The following INVS variants were observed in gnomAD, a reference collection of about 807,000 sequenced individuals.
The protein encoded by INVS is inversin.
In INVS, 86 loss-of-function variants were observed where a neutral mutation model predicts 108.8. The ratio of observed to expected loss-of-function variants is 0.79; its 90% CI spans 0.66 to 0.95. The LOEUF is 0.95. INVS is among the 40% of genes least tolerant of loss of function. The probability of loss-of-function intolerance (pLI) is 0.00; values close to 1 mark genes in which losing one functional copy is unlikely to be tolerated. For missense variants in INVS, 1,169 were observed against 1,297.4 expected (o/e 0.90, Z 1.52); for synonymous variants, 455 against 473.5 (o/e 0.96, Z 0.51).
At chr9:100,271,447 CTA>C (rs1286494083) in intron 11 of INVS, among the ~76,000 whole-genome samples, 2 of 152,200 alleles carry the variant, frequency 1.3e-5, no homozygotes, top group African/African-American at 4.8e-5. Context: ...AGCTGTACTT[CTA>C]TGAGTAGCCT....
chr9:100,284,329 G>T lies in INVS; in HGVS notation c.1794G>T (p.Glu598Asp), dbSNP rs1488247864. The change falls in exon 13 of 17, where the codon GAG becomes GAT. Residue 598 changes from glutamate (E) to aspartate (D), a missense_variant. This residue lies in a region of INVS where 271 missense variants were observed against 363.8 expected (regional missense o/e 0.74). Transcript: ENST00000262457. ...TTGGCTTTGCTTCCAGAAAGCGAGA[G>T]GAAGAAAACAAACGAAAAGAGGCAG... ...LRKDAAAKKREEENKRKEAEQ... is the reference protein window; with the variant it reads ...LRKDAAAKKRDEENKRKEAEQ... The T allele has an allele frequency of 6.2e-7, 1 of 1,613,264 alleles. No homozygotes were observed.
At chr9:100,116,955 G>A (rs906830686) in intron 2 of INVS, 7 of 1,554,546 alleles carry the variant, frequency 4.5e-6, no homozygotes, top group African/African-American at 1.3e-5. Context: ...TTGCAGCCCC[G>A]GGCTGAGGTG....
intron 12 of INVS, among the ~76,000 whole-genome samples, chr9:100,282,731 T>C (rs1833318923): frequency 6.6e-6 from 1 of 152,214 alleles, no homozygotes; most frequent in Non-Finnish European, 1.5e-5. Context: ...CATGCTCATG[T>C]GTGAGCAAGG....
chr9:100,299,586 A>C (rs1588155704), intron 16 of INVS, among the ~76,000 whole-genome samples: 3 of 117,016 alleles, frequency 2.6e-5, no homozygotes, highest in Non-Finnish European at 5.2e-5. Flanking sequence ...ACACACACAC[A>C]CACAGCCTTG....
Position 100,264,916 on chromosome 9 carries a change from A to G in INVS, c.1559A>G (p.Asn520Ser). 1.2e-6 allele frequency: 2 copies of G among 1,609,750 alleles called. No homozygotes were observed. Among genetic ancestry groups the G allele is most frequent in the African/African-American group, 2.7e-5 (2 of 74,844 alleles). The change falls in exon 11 of 17, where the codon AAC becomes AGC. Residue 520 changes from asparagine (N) to serine (S), a missense_variant. By Grantham distance (46) the Asn-to-Ser change is conservative (BLOSUM62 1). Coordinates refer to ENST00000262457, the MANE Select transcript of INVS (RefSeq NM_014425.5). ...DFAAFPNQME[N>S]NEERYTPLDY... ...GCTGCTTTCCCTAATCAGATGGAAA[A>G]CAATGAAGAGAGGTAAGTTGTTGTT...
Position 100,287,539 on chromosome 9 carries a change from T to C in INVS, c.2068+2936T>C, listed in dbSNP as rs75468916. ...ATTGGCTCTGTGTCCCCACCCAAAT[T>C]CCCAGTGTTCGGGGAGGGACTTGGT... is the stretch of plus-strand genomic sequence containing the variant. On this transcript the variant is annotated intron_variant, in intron 13 of 16. Coordinates refer to ENST00000262457, the MANE Select transcript of INVS (RefSeq NM_014425.5). 2.0e-3 allele frequency among the ~76,000 whole-genome samples: 308 copies of C among 152,292 alleles called. 2 individuals are homozygous for C. The East Asian group carries it at 0.042, about 21-fold the overall frequency.
chr9:100,276,345 C>G (rs1227804735), intron 12 of INVS, among the ~76,000 whole-genome samples: 8 of 152,190 alleles, frequency 5.3e-5, no homozygotes. Context: ...TAACTTCAGA[C>G]TCTGCAACAC....
At chr9:100,125,975 C>G (rs542841321) in intron 2 of INVS, among the ~76,000 whole-genome samples, 3 of 152,134 alleles carry the variant, frequency 2.0e-5, no homozygotes, top group African/African-American at 4.8e-5. Context: ...CGTGAGCCAC[C>G]GCACCCAGCC....
chr9:100,295,673 T>G (rs556965318), intron 14 of INVS, among the ~76,000 whole-genome samples: 1 of 152,172 alleles, frequency 6.6e-6, no homozygotes, highest in East Asian at 1.9e-4. Flanking sequence ...AAAATGAAAC[T>G]TGATCTTAAA....
chr9:100,232,622 A>C (rs1183025839), intron 5 of INVS, among the ~76,000 whole-genome samples: 1 of 152,178 alleles, frequency 6.6e-6, no homozygotes, highest in African/African-American at 2.4e-5. Flanking sequence ...TCCTTTCCCC[A>C]TTGCTTGTTT....
chr9:100,141,040 T>C (rs1430845928), intron 3 of INVS, among the ~76,000 whole-genome samples: 2 of 152,160 alleles, frequency 1.3e-5, no homozygotes, highest in East Asian at 3.8e-4. Flanking sequence ...CCAGGAGATA[T>C]CAGCTGTGAT....
At chr9:100,180,281 G>C (rs1046721577) in intron 3 of INVS, among the ~76,000 whole-genome samples, 7 of 151,726 alleles carry the variant, frequency 4.6e-5, no homozygotes, top group African/African-American at 1.7e-4. Flanking sequence ...ACTAAGATCA[G>C]AGCAGAACTA....
rs558279524 is a variant in INVS at position 100,301,976 on chromosome 9, G to A, written c.*1302G>A. 3 of 410,320 alleles carry A rather than the reference G, an allele frequency of 7.3e-6. No individual in the cohort carries two copies. The highest frequency in any genetic ancestry group is 3.8e-5 in the Admixed American group (1 of 26,342). The allele number at this position is 410,320 out of a possible 1,614,324, so 25.4% of individuals were successfully genotyped here. On this transcript the variant is annotated 3_prime_UTR_variant, in exon 17 of 17. Transcript: ENST00000262457. ...CCTATGAAATGCACAATGCACAACC[G>A]CCTATGACCATGTATCGTGTGCTAG...
At chr9:100,199,896 C>T (rs1173718663) in intron 3 of INVS, among the ~76,000 whole-genome samples, 2 of 152,094 alleles carry the variant, frequency 1.3e-5, no homozygotes, top group Non-Finnish European at 2.9e-5. Context: ...GTTATCTGTT[C>T]CATTCTCTCT....
chr9:100,222,819 CTTT>C (rs201620953), intron 3 of INVS, among the ~76,000 whole-genome samples: 4 of 137,402 alleles, frequency 2.9e-5, no homozygotes, highest in Admixed American at 7.4e-5. Flanking sequence ...CCTGGGCAAA[CTTT>C]TTTTTTTTTT....
At chr9:100,300,517 C>T (rs1564197069) in intron 16 of INVS, 51 bp from the exon 17 acceptor site, 1 of 1,251,368 alleles carries the variant, frequency 8.0e-7, no homozygotes, top group Non-Finnish European at 1.2e-6. Context: ...CTATTCCCTT[C>T]AGCCTTAAAA....
intron 10 of INVS, among the ~76,000 whole-genome samples, chr9:100,254,532 GGGTTTTTAT>G (rs1432965069): frequency 1.3e-5 from 2 of 152,086 alleles, no homozygotes; most frequent in African/African-American, 4.8e-5. Context: ...TTTTCTTCTA[GGGTTTTTAT>G]GGTTTTAGGT....
At chr9:100,110,602 T>C (rs1827312142) in intron 2 of INVS, among the ~76,000 whole-genome samples, 1 of 151,968 alleles carries the variant, frequency 6.6e-6, no homozygotes, top group Non-Finnish European at 1.5e-5. Flanking sequence ...TCTGGCAATC[T>C]GGTAAGCTTC....
At chr9:100,158,094 A>G (rs1411721476) in intron 3 of INVS, among the ~76,000 whole-genome samples, 1 of 152,008 alleles carries the variant, frequency 6.6e-6, no homozygotes, top group African/African-American at 2.4e-5. Flanking sequence ...TGCCATCTGT[A>G]TTGCTTTTAT....
Sources: allele counts gnomAD v4.1 joint callset (sites outside exome capture counted in the v4.1 genomes callset), GRCh38; gene constraint gnomAD v4.1.1; regional missense constraint gnomAD v4.1.1; transcripts MANE v1.5; gene names NCBI Gene and HGNC (gene_info 2026-07-23, HGNC 2026-07-21).